SLCO3A1: variants seen among roughly 807,000 people sequenced by gnomAD.
The protein encoded by SLCO3A1 is PGE1 transporter.
SLCO3A1 carries 27 observed loss-of-function variants against 63.1 expected under a neutral mutation model. That is an observed-to-expected ratio of 0.43 (90% confidence interval 0.32 to 0.59). SLCO3A1 has a LOEUF of 0.59. Among genes scored for constraint, SLCO3A1 ranks in the 20% least tolerant of loss-of-function variants. SLCO3A1 has a pLI of 0.09. For synonymous variants in SLCO3A1, 473 were observed against 409.9 expected (o/e 1.15, Z -1.86); for missense variants, 773 against 945.8 (o/e 0.82, Z 2.40).
At chr15:92,064,201 C>G (rs2047121020) in intron 2 of SLCO3A1, among the ~76,000 whole-genome samples, 3 of 152,232 alleles carry the variant, frequency 2.0e-5, no homozygotes. Flanking sequence ...CCCCTTCTCC[C>G]CTTCTCGCCT....
chr15:92,164,048 A>G lies in SLCO3A1; in HGVS notation c.*913A>G. 3 of 984,232 alleles carry G rather than the reference A, an allele frequency of 3.0e-6. No homozygotes were observed. The highest frequency in any genetic ancestry group is 3.6e-6 in the Non-Finnish European group (3 of 828,770). 61.0% of individuals were successfully genotyped at this position (984,232 alleles called of 1,614,324 possible). A position where few individuals can be genotyped will look rare whatever the true frequency, so the allele number is the denominator to read the frequency against. On this transcript the variant is annotated 3_prime_UTR_variant, in exon 10 of 10. Transcript: ENST00000318445. The stretch of plus-strand genomic sequence containing the variant: ...TTTGCCATTTTTAAAAGAAAAAAAT[A>G]CAATCCATATGAATTTCAAACTGTT...
intron 2 of SLCO3A1, among the ~76,000 whole-genome samples, chr15:92,013,233 CT>C (rs1412699664): frequency 1.3e-5 from 2 of 152,220 alleles, no homozygotes; most frequent in African/African-American, 2.4e-5. Context: ...AACTTGGACT[CT>C]AATTACTCAT....
intron 2 of SLCO3A1, among the ~76,000 whole-genome samples, chr15:91,938,685 T>A (rs564175561): frequency 6.6e-6 from 1 of 152,300 alleles, no homozygotes; most frequent in South Asian, 2.1e-4. Context: ...GAGATTAACT[T>A]GCCCACGATC....
intron 2 of SLCO3A1, among the ~76,000 whole-genome samples, chr15:91,988,231 C>T (rs1191671485): frequency 2.0e-5 from 3 of 151,760 alleles, no homozygotes; most frequent in Non-Finnish European, 4.4e-5. Context: ...GGCGAAACCT[C>T]GTCTCTACAA....
At position 91,882,193 on chromosome 15, in the gene SLCO3A1, A is replaced by G. The variant is rs757405357; in HGVS notation, c.180+28105A>G. ...GCTTAGCATGGTAATAGTGAGATCT[A>G]TGCACAGGAGGGGGCATGTGAGGAC... On this transcript the variant is annotated intron_variant, in intron 1 of 9. Transcript: ENST00000318445. This position sits in a 1 kb window ranked among gnomAD's most constrained non-coding sequence, Gnocchi z 4.4. 5.3e-5 allele frequency among the ~76,000 whole-genome samples: 8 copies of G among 152,190 alleles called. No individual in the cohort carries two copies. The highest frequency in any genetic ancestry group is 2.1e-4 in the South Asian group (1 of 4,828).
rs527411917 is a variant in SLCO3A1 at position 92,080,353 on chromosome 15, C to G, written c.647-14528C>G. Among the ~76,000 whole-genome samples, 5 of 151,138 alleles carry G rather than the reference C, an allele frequency of 3.3e-5. No individual in the cohort carries two copies. In the East Asian group the frequency reaches 9.7e-4, roughly 29 times the overall value. On this transcript the variant is annotated intron_variant, in intron 2 of 9. Coordinates refer to ENST00000318445, the MANE Select transcript of SLCO3A1 (RefSeq NM_013272.4). ...TTTTAAACAGGGTCTCTGCTTTTCCCGAGCCTACAATTATTATGGCAAGCC... is the reference window on the plus strand; with the variant it reads ...TTTTAAACAGGGTCTCTGCTTTTCCGGAGCCTACAATTATTATGGCAAGCC...
chr15:92,109,705 A>G (rs537184086), intron 4 of SLCO3A1, among the ~76,000 whole-genome samples: 1 of 152,102 alleles, frequency 6.6e-6, no homozygotes, highest in Non-Finnish European at 1.5e-5. Context: ...CTGGGGCCTC[A>G]GGCTCAGAGT....
intron 2 of SLCO3A1, among the ~76,000 whole-genome samples, chr15:92,007,838 G>A (rs996183347): frequency 6.6e-6 from 1 of 152,168 alleles, no homozygotes; most frequent in Non-Finnish European, 1.5e-5. Context: ...ACCCAAGGAA[G>A]AGCGATCCAA....
intron 2 of SLCO3A1, among the ~76,000 whole-genome samples, chr15:91,947,790 T>A (rs1899859759): frequency 6.6e-6 from 1 of 152,186 alleles, no homozygotes; most frequent in African/African-American, 2.4e-5. Flanking sequence ...CAGACTGCTT[T>A]CCTCGTTAGT....
rs1174212485 is a variant in SLCO3A1 at position 91,950,476 on chromosome 15, C to T, written c.646+34018C>T. Among the ~76,000 whole-genome samples the T allele has an allele frequency of 6.6e-6, 1 of 152,212 alleles. No individual in the cohort carries two copies. Among genetic ancestry groups the T allele is most frequent in the Non-Finnish European group, 1.5e-5 (1 of 68,036 alleles). ...GGGTTATTAGGAAGGGCAGATGAGCCCCTGCAGGGGAACGTTGTGCAGTAT... is the reference window on the plus strand; with the variant it reads ...GGGTTATTAGGAAGGGCAGATGAGCTCCTGCAGGGGAACGTTGTGCAGTAT... On this transcript the variant is annotated intron_variant, in intron 2 of 9. Coordinates refer to ENST00000318445, the MANE Select transcript of SLCO3A1 (RefSeq NM_013272.4). This position sits in a 1 kb window ranked among gnomAD's most constrained non-coding sequence, Gnocchi z 4.4.
chr15:92,152,677 G>C (rs575286281), intron 9 of SLCO3A1, among the ~76,000 whole-genome samples: 97 of 152,282 alleles, frequency 6.4e-4, no homozygotes, highest in African/African-American at 2.3e-3. Flanking sequence ...AGGTGGATGT[G>C]TAATATTAAC....
chr15:91,877,763 G>T (rs1435961786), intron 1 of SLCO3A1, among the ~76,000 whole-genome samples: 1 of 152,150 alleles, frequency 6.6e-6, no homozygotes, highest in Non-Finnish European at 1.5e-5. Flanking sequence ...TTTGCAAAAA[G>T]GGGTGTGGTC....
chr15:92,059,880 T>C (rs138320283), intron 2 of SLCO3A1, among the ~76,000 whole-genome samples: 2 of 152,292 alleles, frequency 1.3e-5, no homozygotes, highest in African/African-American at 4.8e-5. Context: ...ATTTTGTCAT[T>C]GCGGGGACAT....
At position 91,942,332 on chromosome 15, in the gene SLCO3A1, G is replaced by T. The variant is rs1052117870; in HGVS notation, c.646+25874G>T. Among the ~76,000 whole-genome samples the T allele has an allele frequency of 6.6e-6, 1 of 152,146 alleles. No individual in the cohort carries two copies. Among genetic ancestry groups the T allele is most frequent in the African/African-American group, 2.4e-5 (1 of 41,434 alleles). On this transcript the variant is annotated intron_variant, in intron 2 of 9. Transcript: ENST00000318445. The surrounding 1 kb of genome is among the most constrained non-coding windows in gnomAD (Gnocchi z 4.1). ...CTTGATTAGATATTGTTACACAGTG[G>T]TGATATGAGAACACACACCTGTCCA...
At chr15:91,923,414 C>A (rs1327506203) in intron 2 of SLCO3A1, among the ~76,000 whole-genome samples, 1 of 152,218 alleles carries the variant, frequency 6.6e-6, no homozygotes, top group East Asian at 1.9e-4. Context: ...ATTAAACCAG[C>A]AGCGCTCTTC....
intron 7 of SLCO3A1, among the ~76,000 whole-genome samples, chr15:92,139,563 C>T (rs1173240641): frequency 1.3e-5 from 2 of 152,006 alleles, no homozygotes; most frequent in African/African-American, 2.4e-5. Context: ...ACCAGTTCCT[C>T]CTTGTACCTC....
At chr15:92,055,913 A>G (rs2047015660) in intron 2 of SLCO3A1, among the ~76,000 whole-genome samples, 1 of 152,166 alleles carries the variant, frequency 6.6e-6, no homozygotes, top group Non-Finnish European at 1.5e-5. Context: ...TTGTGCTCAT[A>G]TTTATTGCCT....
chr15:91,981,473 C>T (rs903264271), intron 2 of SLCO3A1, among the ~76,000 whole-genome samples: 1 of 152,166 alleles, frequency 6.6e-6, no homozygotes, highest in Non-Finnish European at 1.5e-5. Flanking sequence ...AAAATGCCCA[C>T]GTTTTCCCAC....
At chr15:92,100,424 A>G (rs1224875400) in intron 3 of SLCO3A1, among the ~76,000 whole-genome samples, 2 of 152,196 alleles carry the variant, frequency 1.3e-5, no homozygotes, top group Non-Finnish European at 2.9e-5. Context: ...ACCTCATTTT[A>G]TTCAACATCT....
Sources: allele counts gnomAD v4.1 joint callset (sites outside exome capture counted in the v4.1 genomes callset), GRCh38; gene constraint gnomAD v4.1.1; non-coding constraint Gnocchi (gnomAD v3.1); transcripts MANE v1.5; gene names NCBI Gene and HGNC (gene_info 2026-07-23, HGNC 2026-07-21).